The following STX3 variants were observed in gnomAD, a reference collection of about 807,000 sequenced individuals.
STX3 encodes the protein syntaxin-3.
In STX3, 19 loss-of-function variants were observed where a neutral mutation model predicts 40.2. The observed-to-expected ratio is 0.47, with a 90% CI of 0.33 to 0.69. The LOEUF (loss-of-function observed/expected upper bound fraction) is 0.69, where lower values mean the gene tolerates loss of function less well. STX3 is among the 30% of genes least tolerant of loss of function. The probability of loss-of-function intolerance (pLI) is 0.02; values close to 1 mark genes in which losing one functional copy is unlikely to be tolerated. For missense variants in STX3, 364 were observed against 366.7 expected, an observed-to-expected ratio of 0.99 and a Z score of 0.06; for synonymous variants, 122 against 132.2, an observed-to-expected ratio of 0.92 and a Z score of 0.53.
At chr11:59,768,523 G>T (rs965410670) in intron 1 of STX3, among the ~76,000 whole-genome samples, 3 of 152,190 alleles carry the variant, frequency 2.0e-5, no homozygotes, top group Non-Finnish European at 4.4e-5. Flanking sequence ...GATGGTGGTT[G>T]GGAATGAGGG....
At chr11:59,799,270 A>C (rs753028359) in intron 10 of STX3, among the ~76,000 whole-genome samples, 2 of 152,246 alleles carry the variant, frequency 1.3e-5, no homozygotes, top group Non-Finnish European at 2.9e-5. Context: ...AAAACATAAA[A>C]CTAATGAACT....
chr11:59,760,893 T>A (rs1438367209), intron 1 of STX3, among the ~76,000 whole-genome samples: 1 of 152,218 alleles, frequency 6.6e-6, no homozygotes, highest in South Asian at 2.1e-4. Flanking sequence ...ACAGCAGTTA[T>A]GATAGTCCTC....
chr11:59,779,555 T>C (rs1864214634), intron 2 of STX3, among the ~76,000 whole-genome samples: 2 of 152,238 alleles, frequency 1.3e-5, no homozygotes, highest in Admixed American at 1.3e-4. Context: ...AGACCATTTG[T>C]AGTGATATAA....
At position 59,793,383 on chromosome 11, in the gene STX3, A is replaced by G. The variant is rs778822831; in HGVS notation, c.544A>G (p.Ile182Val). 4.3e-6 allele frequency: 7 copies of G among 1,613,580 alleles called. No individual in the cohort carries two copies. The highest frequency in any genetic ancestry group is 5.1e-6 in the Non-Finnish European group (6 of 1,179,726). The change falls in exon 8 of 11, where the codon ATT becomes GTT. Residue 182 changes from isoleucine (I) to valine (V), a missense_variant. Coordinates refer to ENST00000337979, the MANE Select transcript of STX3 (RefSeq NM_004177.5). Reference sequence around the variant, plus strand: ...GTCTGTGTGTGGCCTGTTGTAGATCATTGACTCACAGATTTCCAAGCAAGC... The same window carrying G: ...GTCTGTGTGTGGCCTGTTGTAGATCGTTGACTCACAGATTTCCAAGCAAGC... Reference protein sequence around the residue: ...GNPAIFTSGIIDSQISKQALS... With the variant: ...GNPAIFTSGIVDSQISKQALS...
Position 59,795,497 on chromosome 11 carries a change from T to C in STX3, c.786+15T>C. On this transcript the variant is annotated intron_variant, in intron 9 of 10. Coordinates refer to ENST00000337979, the MANE Select transcript of STX3 (RefSeq NM_004177.5). ...AGGCCCGGAAGGTGAGACTCTCCTG[T>C]GGCCTTCAGAGAAGAGAGTCCATTT... The C allele has an allele frequency of 6.2e-7, 1 of 1,604,692 alleles. No individual in the cohort carries two copies. The highest frequency in any genetic ancestry group is 1.7e-4 in the Middle Eastern group (1 of 6,058).
chr11:59,766,688 G>A (rs529818313), intron 1 of STX3, among the ~76,000 whole-genome samples: 1 of 152,372 alleles, frequency 6.6e-6, no homozygotes, highest in Admixed American at 6.5e-5. Flanking sequence ...GATGCTTTCT[G>A]CAGGGTTGGG....
chr11:59,760,201 G>C (rs504016), intron 1 of STX3, among the ~76,000 whole-genome samples: 2 of 152,010 alleles, frequency 1.3e-5, no homozygotes, highest in African/African-American at 4.8e-5. Context: ...GGGGGAAGTC[G>C]GGGGAATTGG....
intron 1 of STX3, among the ~76,000 whole-genome samples, chr11:59,757,257 C>A (rs887335035): frequency 6.6e-6 from 1 of 152,060 alleles, no homozygotes; most frequent in African/African-American, 2.4e-5. Flanking sequence ...CCTTGAAGCA[C>A]GCTGGTTGGG....
chr11:59,771,273 G>C (rs904498309), intron 1 of STX3, among the ~76,000 whole-genome samples: 12 of 124,278 alleles, frequency 9.7e-5, no homozygotes, highest in Non-Finnish European at 1.8e-4. Flanking sequence ...AGCTATTTGG[G>C]AGGCTGAGGC....
At position 59,773,205 on chromosome 11, in the gene STX3, T is replaced by C; in HGVS notation, c.31-6T>C. Reference sequence around the variant, plus strand: ...GCCTCACTCTGCTCTTTTTTGCCTTTTGCAGAAGCAGCTGACACAGGATGA... The same window carrying C: ...GCCTCACTCTGCTCTTTTTTGCCTTCTGCAGAAGCAGCTGACACAGGATGA... On this transcript the variant is annotated splice_region_variant and splice_polypyrimidine_tract_variant and intron_variant, in intron 1 of 10. Transcript: ENST00000337979. 1 of 1,613,930 alleles carries C rather than the reference T, an allele frequency of 6.2e-7. No homozygotes were observed. Among genetic ancestry groups the C allele is most frequent in the Non-Finnish European group, 8.5e-7 (1 of 1,179,910 alleles).
chr11:59,776,877 G>A (rs566820249), intron 2 of STX3, among the ~76,000 whole-genome samples: 2 of 152,326 alleles, frequency 1.3e-5, no homozygotes, highest in Non-Finnish European at 2.9e-5. Context: ...CTAATTTGCA[G>A]TTGTCTATAT....
intron 2 of STX3, chr11:59,781,667 G>A (rs1590794638): frequency 1.6e-5 from 26 of 1,608,128 alleles, no homozygotes; most frequent in Non-Finnish European, 2.0e-5. Flanking sequence ...ATTCATCAAA[G>A]CCTTTGCTGT....
In STX3 at chr11:59,800,908, G is replaced by A; in HGVS notation, c.*84G>A. 4 of 1,536,266 alleles carry A rather than the reference G, an allele frequency of 2.6e-6. No homozygotes were observed. The Middle Eastern group carries it at 6.7e-4, about 256-fold the overall frequency. ...CCACCCTTGTCTTCAGATGAGAATG[G>A]AGTCTGAATGGCCTTCCTGAGAGCG... On this transcript the variant is annotated 3_prime_UTR_variant, in exon 11 of 11. Coordinates refer to ENST00000337979, the MANE Select transcript of STX3 (RefSeq NM_004177.5).
At chr11:59,787,750 T>C (rs76311784) in intron 3 of STX3, among the ~76,000 whole-genome samples, 324 of 152,234 alleles carry the variant, frequency 2.1e-3, no homozygotes, top group African/African-American at 7.4e-3. Context: ...GAAAGAAAGG[T>C]TTGTGCATAA....
rs530848293 is a variant in STX3 at position 59,801,408 on chromosome 11, A to G, written c.*584A>G. Reference sequence around the variant, plus strand: ...TAAAGAGCTGACTTGTTTGAAATTCAGCCTTAAATTAAGCTCTTAGTTGTT... The same window carrying G: ...TAAAGAGCTGACTTGTTTGAAATTCGGCCTTAAATTAAGCTCTTAGTTGTT... On this transcript the variant is annotated 3_prime_UTR_variant, in exon 11 of 11. Transcript: ENST00000337979. 14 of 987,514 alleles carry G rather than the reference A, an allele frequency of 1.4e-5. No individual in the cohort carries two copies. In the South Asian group the frequency reaches 6.5e-4, roughly 46 times the overall value. 61.2% of individuals were successfully genotyped at this position (987,514 alleles called of 1,614,324 possible).
chr11:59,763,537 A>G (rs767336745), intron 1 of STX3, among the ~76,000 whole-genome samples: 7 of 152,242 alleles, frequency 4.6e-5, no homozygotes, highest in Non-Finnish European at 1.0e-4. Context: ...CCATGTATTA[A>G]GACACAAAGA....
intron 10 of STX3, among the ~76,000 whole-genome samples, chr11:59,798,509 CA>C (rs1209052841): frequency 9.1e-5 from 13 of 143,418 alleles, no homozygotes; most frequent in Non-Finnish European, 3.1e-5. Context: ...TCAAAACAAA[CA>C]AAAAACGTTT....
chr11:59,773,794 A>C (rs1863791806), intron 2 of STX3, among the ~76,000 whole-genome samples: 1 of 152,120 alleles, frequency 6.6e-6, no homozygotes, highest in Non-Finnish European at 1.5e-5. Flanking sequence ...AACCTGGCCA[A>C]CATGGCAAAA....
intron 1 of STX3, among the ~76,000 whole-genome samples, chr11:59,755,915 G>A (rs529088689): frequency 1.4e-4 from 21 of 152,364 alleles, no homozygotes; most frequent in African/African-American, 4.6e-4. Flanking sequence ...CCCGAAGCGG[G>A]TGCTTGGGCC....
Sources: allele counts gnomAD v4.1 joint callset (sites outside exome capture counted in the v4.1 genomes callset), GRCh38; gene constraint gnomAD v4.1.1; transcripts MANE v1.5; gene names NCBI Gene and HGNC (gene_info 2026-07-23, HGNC 2026-07-21).